ADAMTS20: variants seen among roughly 807,000 people sequenced by gnomAD.
ADAMTS20 encodes the protein A disintegrin and metalloproteinase with thrombospondin motifs 20.
ADAMTS20 carries 225 observed loss-of-function variants against 260.1 expected under a neutral mutation model. The ratio of observed to expected loss-of-function variants is 0.87; its 90% CI spans 0.78 to 0.97. The LOEUF (loss-of-function observed/expected upper bound fraction) is 0.97. Ranked by LOEUF, ADAMTS20 falls within the 50% of genes least tolerant of loss-of-function variation. The pLI is 0.00. For missense variants in ADAMTS20, 2,400 were observed against 2,337.7 expected (o/e 1.03, Z -0.55); for synonymous variants, 802 against 769.5 (o/e 1.04, Z -0.70).
chr12:43,479,304 T>C (rs1942407226), intron 7 of ADAMTS20, among the ~76,000 whole-genome samples: 2 of 152,198 alleles, frequency 1.3e-5, no homozygotes, highest in East Asian at 1.9e-4. Context: ...ATTAGTAATG[T>C]AATTAGTAAA....
chr12:43,513,606 G>A (rs777643064), intron 3 of ADAMTS20, among the ~76,000 whole-genome samples: 7 of 152,062 alleles, frequency 4.6e-5, no homozygotes, highest in Admixed American at 6.6e-5. Context: ...AAAAACACAT[G>A]TACACGTATG....
chr12:43,524,818 A>C (rs1278004559), intron 3 of ADAMTS20, among the ~76,000 whole-genome samples: 1 of 152,216 alleles, frequency 6.6e-6, no homozygotes, highest in East Asian at 1.9e-4. Flanking sequence ...AATGAAGCAA[A>C]AAATAATTAA....
chr12:43,408,223 C>T (rs918328470), intron 28 of ADAMTS20, among the ~76,000 whole-genome samples: 3 of 152,110 alleles, frequency 2.0e-5, no homozygotes, highest in Non-Finnish European at 4.4e-5. Context: ...TATAAAAACT[C>T]CACTCCCATC....
At chr12:43,407,455 T>C (rs1212287028) in intron 28 of ADAMTS20, among the ~76,000 whole-genome samples, 2 of 151,634 alleles carry the variant, frequency 1.3e-5, no homozygotes, top group Non-Finnish European at 3.0e-5. Flanking sequence ...TCTAACTCAA[T>C]TGGAAGTAAT....
intron 37 of ADAMTS20, among the ~76,000 whole-genome samples, chr12:43,357,112 G>A (rs986558715): frequency 3.9e-5 from 6 of 152,056 alleles, no homozygotes; most frequent in Admixed American, 3.3e-4. Flanking sequence ...TCCAAGTGCA[G>A]GACCATTTTT....
chr12:43,379,890 C>A (rs1362573859), intron 31 of ADAMTS20, among the ~76,000 whole-genome samples: 1 of 152,022 alleles, frequency 6.6e-6, no homozygotes, highest in Non-Finnish European at 1.5e-5. Flanking sequence ...AGAATTAGCA[C>A]CAAGTCTGCC....
intron 29 of ADAMTS20, among the ~76,000 whole-genome samples, chr12:43,397,630 A>G (rs753398174): frequency 2.6e-4 from 40 of 152,206 alleles, no homozygotes; most frequent in Admixed American, 1.1e-3. Context: ...GAGAGTAGTG[A>G]CATTTACAAA....
chr12:43,383,646 A>C lies in ADAMTS20; in HGVS notation c.4709T>G (p.Val1570Gly). ...DNQIRQVNEI[V>G]YNSSTISLTS... The stretch of plus-strand genomic sequence containing the variant: ...AAGAGATATGGTTGAAGAATTATAG[A>C]CTATTTCATTCACTTGTCTGATTTG... Residue 1570 changes from valine (V) to glycine (G), a missense_variant, in exon 31 of 39, where the codon GTC becomes GGC. Transcript: ENST00000389420. 2 of 1,613,836 alleles carry C rather than the reference A, an allele frequency of 1.2e-6. No homozygotes were observed. Among genetic ancestry groups the C allele is most frequent in the Non-Finnish European group, 1.7e-6 (2 of 1,179,834 alleles).
intron 37 of ADAMTS20, among the ~76,000 whole-genome samples, chr12:43,358,836 CAAAAAAA>C (rs151206551): frequency 3.9e-4 from 24 of 61,236 alleles, no homozygotes; most frequent in Admixed American, 1.3e-3. Flanking sequence ...AACTCCGTCT[CAAAAAAA>C]AAAAAAAAAA....
At chr12:43,509,785 T>G (rs976090772) in intron 3 of ADAMTS20, among the ~76,000 whole-genome samples, 3 of 152,154 alleles carry the variant, frequency 2.0e-5, no homozygotes, top group Non-Finnish European at 4.4e-5. Flanking sequence ...TTCATCAATA[T>G]GTGTTATATT....
chr12:43,482,241 T>C (rs929011497), intron 7 of ADAMTS20, among the ~76,000 whole-genome samples: 2 of 152,144 alleles, frequency 1.3e-5, no homozygotes, highest in African/African-American at 4.8e-5. Flanking sequence ...TAATCTCAAG[T>C]GGGAACGAAC....
At chr12:43,534,570 CA>C (rs1943268073) in intron 2 of ADAMTS20, among the ~76,000 whole-genome samples, 1 of 152,012 alleles carries the variant, frequency 6.6e-6, no homozygotes, top group African/African-American at 2.4e-5. Flanking sequence ...GGAACTACTT[CA>C]AAAGTCCATT....
intron 2 of ADAMTS20, among the ~76,000 whole-genome samples, chr12:43,542,394 T>A (rs1943388606): frequency 6.6e-6 from 1 of 152,226 alleles, no homozygotes; most frequent in Non-Finnish European, 1.5e-5. Flanking sequence ...GAGGGACATA[T>A]GCCATACATA....
chr12:43,528,461 A>G (rs955455202), intron 3 of ADAMTS20, among the ~76,000 whole-genome samples: 2 of 151,864 alleles, frequency 1.3e-5, no homozygotes, highest in South Asian at 2.1e-4. Flanking sequence ...GCATAAAAGT[A>G]GGCACATAGA....
chr12:43,490,362 C>T, intron 7 of ADAMTS20, 33 bp downstream of exon 7: 1 of 1,084,436 alleles, frequency 9.2e-7, no homozygotes, highest in Non-Finnish European at 1.3e-6. Flanking sequence ...TAAACAATTA[C>T]ATAAGCTAAA....
At chr12:43,498,560 A>T (rs117337469) in intron 4 of ADAMTS20, among the ~76,000 whole-genome samples, 360 of 152,298 alleles carry the variant, frequency 2.4e-3, no homozygotes, top group South Asian at 5.0e-3. Flanking sequence ...CCAATAATCC[A>T]TGTGTATGTT....
intron 29 of ADAMTS20, among the ~76,000 whole-genome samples, chr12:43,395,464 A>T (rs964061563): frequency 1.3e-5 from 2 of 152,144 alleles, no homozygotes; most frequent in African/African-American, 2.4e-5. Flanking sequence ...AGCATTTAGC[A>T]TACAGTTTCT....
At chr12:43,443,325 A>C (rs1941701116) in intron 16 of ADAMTS20, among the ~76,000 whole-genome samples, 1 of 152,246 alleles carries the variant, frequency 6.6e-6, no homozygotes, top group Non-Finnish European at 1.5e-5. Context: ...ATTCATTAAC[A>C]TATAAAAATG....
At position 43,399,204 on chromosome 12, in the gene ADAMTS20, C is replaced by T. The variant is rs1244693801; in HGVS notation, c.4314G>A (p.Lys1438=). 2 of 1,554,486 alleles carry T rather than the reference C, an allele frequency of 1.3e-6. No individual in the cohort carries two copies. The highest frequency in any genetic ancestry group is 2.0e-5 in the Admixed American group (1 of 50,154). The part of the protein sequence containing the change: ...SCSASCGKGR[K]YREVFCIDQF... Reference sequence around the variant, plus strand: ...GGTCAATGCAAAACACTTCACGGTACTTTCTACCTTTACCACAAGAAGCTG... The same window carrying T: ...GGTCAATGCAAAACACTTCACGGTATTTTCTACCTTTACCACAAGAAGCTG... Residue 1438 remains lysine (K), a synonymous_variant, in exon 29 of 39, where the codon AAG becomes AAA. Coordinates refer to ENST00000389420, the MANE Select transcript of ADAMTS20 (RefSeq NM_025003.5).
Sources: gnomAD v4.1 joint callset for allele counts (sites outside exome capture counted in the v4.1 genomes callset) on GRCh38, gnomAD v4.1.1 for gene constraint, MANE v1.5 for transcripts, NCBI Gene and HGNC (gene_info 2026-07-23, HGNC 2026-07-21) for gene names.